The following KCNQ5 variants were observed in gnomAD, a reference collection of about 807,000 sequenced individuals.
KCNQ5 encodes the protein potassium voltage-gated channel subfamily Q member 5.
A neutral mutation model predicts 98.2 loss-of-function variants in KCNQ5; 30 were observed. That is an observed-to-expected ratio of 0.31 (90% CI 0.23 to 0.41). The LOEUF is 0.41. Among genes scored for constraint, KCNQ5 ranks in the 10% least tolerant of loss-of-function variants. The pLI is 1.00. For missense variants in KCNQ5, 835 were observed against 1,182.5 expected, an observed-to-expected ratio of 0.71 and a Z score of 4.31; for synonymous variants, 458 against 449.4, an observed-to-expected ratio of 1.02 and a Z score of -0.24.
At chr6:72,688,058 C>T (rs1333853818) in intron 1 of KCNQ5, among the ~76,000 whole-genome samples, 1 of 152,038 alleles carries the variant, frequency 6.6e-6, no homozygotes, top group Non-Finnish European at 1.5e-5. Flanking sequence ...AGGGTGGTCT[C>T]AATTTCTTGA....
intron 1 of KCNQ5, among the ~76,000 whole-genome samples, chr6:72,845,319 G>A (rs1776974232): frequency 6.6e-6 from 1 of 152,110 alleles, no homozygotes; most frequent in Non-Finnish European, 1.5e-5. Flanking sequence ...ACCAACCCAT[G>A]GGTCAGATAT....
At chr6:72,903,874 T>C (rs1168513517) in intron 1 of KCNQ5, among the ~76,000 whole-genome samples, 1 of 152,188 alleles carries the variant, frequency 6.6e-6, no homozygotes, top group East Asian at 1.9e-4. Context: ...TTTAAATCCA[T>C]TATTTCTTTG....
chr6:73,119,198 G>A (rs557276112), intron 7 of KCNQ5, among the ~76,000 whole-genome samples: 8 of 152,234 alleles, frequency 5.3e-5, no homozygotes, highest in East Asian at 1.9e-4. Flanking sequence ...AAGTAAGGTC[G>A]GGCAATCTCT....
intron 10 of KCNQ5, among the ~76,000 whole-genome samples, chr6:73,146,032 C>T (rs1161121710): frequency 6.6e-6 from 1 of 152,158 alleles, no homozygotes; most frequent in African/African-American, 2.4e-5. Context: ...CCTCCCCCAA[C>T]ATTGGGAATA....
chr6:73,001,582 A>G (rs141631450), intron 1 of KCNQ5, among the ~76,000 whole-genome samples: 85 of 152,264 alleles, frequency 5.6e-4, no homozygotes, highest in African/African-American at 2.0e-3. Flanking sequence ...CGCTTTTCCA[A>G]GTGTTTTCTG....
At chr6:72,913,595 C>T (rs1177175779) in intron 1 of KCNQ5, among the ~76,000 whole-genome samples, 1 of 152,196 alleles carries the variant, frequency 6.6e-6, no homozygotes, top group Admixed American at 6.5e-5. Context: ...TACCACATTT[C>T]AGTAGTGTTT....
chr6:73,155,314 GT>G (rs1777317956), intron 10 of KCNQ5, among the ~76,000 whole-genome samples: 1 of 152,238 alleles, frequency 6.6e-6, no homozygotes, highest in African/African-American at 2.4e-5. Flanking sequence ...TCTCCACATT[GT>G]GAGTGTCCCT....
chr6:72,675,610 A>T (rs1011126847), intron 1 of KCNQ5, among the ~76,000 whole-genome samples: 1 of 152,208 alleles, frequency 6.6e-6, no homozygotes, highest in Admixed American at 6.5e-5. Context: ...CAATAGCGAT[A>T]ACTGCCAGTG....
chr6:73,034,839 CTTTTTT>C lies in KCNQ5; in HGVS notation c.490-7078_490-7073del, dbSNP rs71669816. Reference sequence around the variant, plus strand: ...GACTAGCTCTACCACTGCCTCTTTTCTTTTTTTTTTTTTTTTTTTTTTTTGAGACAG... The same window carrying C: ...GACTAGCTCTACCACTGCCTCTTTTCTTTTTTTTTTTTTTTTTTGAGACAG... On this transcript the variant is annotated intron_variant, in intron 2 of 13. Coordinates refer to ENST00000370398, the MANE Select transcript of KCNQ5 (RefSeq NM_019842.4). Among the ~76,000 whole-genome samples, 6 of 113,542 alleles carry C rather than the reference CTTTTTT, an allele frequency of 5.3e-5. No homozygotes were observed. In the South Asian group the frequency reaches 1.3e-3, roughly 25 times the overall value. 74.5% of individuals were successfully genotyped at this position (113,542 alleles called of 152,430 possible).
intron 2 of KCNQ5, among the ~76,000 whole-genome samples, chr6:73,028,237 C>T (rs971844816): frequency 2.0e-5 from 3 of 152,180 alleles, no homozygotes; most frequent in East Asian, 3.8e-4. Flanking sequence ...GGCTTCACCA[C>T]GGCAAGACGG....
intron 1 of KCNQ5, among the ~76,000 whole-genome samples, chr6:72,781,427 T>C (rs1365827448): frequency 1.3e-5 from 2 of 152,236 alleles, no homozygotes; most frequent in Admixed American, 6.5e-5. Context: ...CCTAGGAAAC[T>C]AATACACCTT....
intron 11 of KCNQ5, among the ~76,000 whole-genome samples, chr6:73,178,539 G>A (rs1778298741): frequency 6.6e-6 from 1 of 151,058 alleles, no homozygotes; most frequent in Admixed American, 6.7e-5. Flanking sequence ...AAACAGTGTG[G>A]CCACAGAATG....
intron 1 of KCNQ5, among the ~76,000 whole-genome samples, chr6:72,870,514 G>T (rs1430486750): frequency 6.6e-6 from 1 of 152,102 alleles, no homozygotes; most frequent in Non-Finnish European, 1.5e-5. Flanking sequence ...GCCTCTGAAA[G>T]TGCTGGAATT....
chr6:72,691,506 C>T (rs1356326348), intron 1 of KCNQ5, among the ~76,000 whole-genome samples: 2 of 152,038 alleles, frequency 1.3e-5, no homozygotes, highest in Non-Finnish European at 2.9e-5. Context: ...GTACTGACGC[C>T]GAAGACGAAT....
intron 1 of KCNQ5, among the ~76,000 whole-genome samples, chr6:72,847,762 C>T (rs1282705791): frequency 6.6e-6 from 1 of 152,118 alleles, no homozygotes; most frequent in East Asian, 1.9e-4. Flanking sequence ...GACAATGAAA[C>T]TTTCAGAGAA....
chr6:72,811,538 C>T (rs988298639), intron 1 of KCNQ5, among the ~76,000 whole-genome samples: 21 of 152,078 alleles, frequency 1.4e-4, no homozygotes, highest in African/African-American at 5.1e-4. Context: ...TATATTCTAC[C>T]AGTAGTTTTC....
At chr6:73,050,366 G>A (rs1772179202) in intron 3 of KCNQ5, among the ~76,000 whole-genome samples, 1 of 151,698 alleles carries the variant, frequency 6.6e-6, no homozygotes, top group Non-Finnish European at 1.5e-5. Context: ...GAAAGGAAAG[G>A]AAAGAAAATA....
At chr6:72,871,709 C>T (rs1344214650) in intron 1 of KCNQ5, among the ~76,000 whole-genome samples, 1 of 152,156 alleles carries the variant, frequency 6.6e-6, no homozygotes, top group Non-Finnish European at 1.5e-5. Flanking sequence ...AAAAGCCAGA[C>T]TAAAATCAAA....
chr6:73,057,352 G>C (rs1022514826), intron 3 of KCNQ5, among the ~76,000 whole-genome samples: 13 of 144,300 alleles, frequency 9.0e-5, no homozygotes, highest in African/African-American at 3.3e-4. Flanking sequence ...GGGGGGGAGG[G>C]ATAGCATTAG....
Sources: allele counts gnomAD v4.1 joint callset (sites outside exome capture counted in the v4.1 genomes callset), GRCh38; gene constraint gnomAD v4.1.1; transcripts MANE v1.5; gene names NCBI Gene and HGNC (gene_info 2026-07-23, HGNC 2026-07-21).